Variants in TMEM266 observed in about 807,000 individuals in gnomAD.
The protein encoded by TMEM266 is transmembrane protein 266.
A neutral mutation model predicts 50.5 loss-of-function variants in TMEM266; 33 were observed. The ratio of observed to expected loss-of-function variants is 0.65; its 90% CI spans 0.50 to 0.87. The LOEUF (loss-of-function observed/expected upper bound fraction) is 0.87, where lower values mean the gene tolerates loss of function less well. TMEM266 is among the 40% of genes least tolerant of loss of function. The pLI is 0.00. For synonymous variants in TMEM266, 310 were observed against 292.3 expected (o/e 1.06, Z -0.62); for missense variants, 655 against 695.1 (o/e 0.94, Z 0.65).
intron 1 of TMEM266, among the ~76,000 whole-genome samples, chr15:76,132,663 C>T (rs1017034840): frequency 6.6e-6 from 1 of 150,888 alleles, no homozygotes; most frequent in Non-Finnish European, 1.5e-5. Context: ...CAGGTGGTGG[C>T]GCATGCCTGT....
chr15:76,185,933 G>A (rs1400170367), intron 8 of TMEM266, among the ~76,000 whole-genome samples: 1 of 152,176 alleles, frequency 6.6e-6, no homozygotes, highest in African/African-American at 2.4e-5. Context: ...ACCAAGGCCC[G>A]GGGAAGAAAA....
chr15:76,114,353 C>T (rs1202672598), intron 1 of TMEM266: 1 of 152,178 alleles, frequency 6.6e-6, no homozygotes, highest in Non-Finnish European at 1.5e-5. Context: ...AACCCCATCT[C>T]TACAAAAAGT....
chr15:76,114,563 C>T (rs1049055163), intron 1 of TMEM266, among the ~76,000 whole-genome samples: 5 of 152,146 alleles, frequency 3.3e-5, no homozygotes, highest in African/African-American at 1.2e-4. Flanking sequence ...ATACATCACA[C>T]TATATTGTTT....
chr15:76,164,576 TCTTA>T (rs2038064857), intron 5 of TMEM266, among the ~76,000 whole-genome samples: 1 of 152,216 alleles, frequency 6.6e-6, no homozygotes, highest in African/African-American at 2.4e-5. Flanking sequence ...TCTTCACATT[TCTTA>T]CTTTGGCCTT....
At chr15:76,141,298 C>T (rs1246491030) in intron 3 of TMEM266, among the ~76,000 whole-genome samples, 3 of 150,416 alleles carry the variant, frequency 2.0e-5, no homozygotes, top group South Asian at 4.2e-4. Flanking sequence ...TGTAGTGGCA[C>T]GATTTTGGCT....
chr15:76,158,796 C>T (rs1816504686), intron 4 of TMEM266, among the ~76,000 whole-genome samples: 1 of 152,238 alleles, frequency 6.6e-6, no homozygotes, highest in Non-Finnish European at 1.5e-5. Context: ...TGTGGCCTGA[C>T]TCGGAGCTCA....
chr15:76,120,486 T>C (rs1017740465), intron 1 of TMEM266, among the ~76,000 whole-genome samples: 4 of 151,824 alleles, frequency 2.6e-5, no homozygotes, highest in African/African-American at 7.3e-5. Flanking sequence ...ATAGGCCGGG[T>C]GCGGTGGCTC....
At chr15:76,162,387 G>A (rs1001110029) in intron 5 of TMEM266, among the ~76,000 whole-genome samples, 5 of 152,296 alleles carry the variant, frequency 3.3e-5, no homozygotes, top group African/African-American at 7.2e-5. Flanking sequence ...CTGCGTGCCC[G>A]TAAGAACCAT....
intron 10 of TMEM266, among the ~76,000 whole-genome samples, chr15:76,203,107 GCTCTGAGCATC>G (rs929611300): frequency 5.3e-5 from 8 of 151,952 alleles, no homozygotes; most frequent in Non-Finnish European, 1.0e-4. Context: ...AGAGCAAAGA[GCTCTGAGCATC>G]CTCTGATCCT....
rs566605741 is a variant in TMEM266, at chr15:76,085,117, A to G, written c.-97+25101A>G. 8.0e-5 allele frequency among the ~76,000 whole-genome samples: 12 copies of G among 149,862 alleles called. 1 individual carries two copies. The highest frequency in any genetic ancestry group is 2.9e-4 in the African/African-American group (12 of 40,686). On this transcript the variant is annotated intron_variant, in intron 1 of 10. Transcript: ENST00000388942. ...TGGGACTACAGGCGCCTGCCACCAC[A>G]CCCTGCTAATTTTTTGTATTTTTAG...
At chr15:76,196,415 C>G (rs189166714) in intron 9 of TMEM266, among the ~76,000 whole-genome samples, 1 of 152,224 alleles carries the variant, frequency 6.6e-6, no homozygotes, top group East Asian at 1.9e-4. Flanking sequence ...TGATTCACAG[C>G]CTCGCATGGT....
At chr15:76,187,921 C>T (rs1236535478) in intron 8 of TMEM266, among the ~76,000 whole-genome samples, 1 of 152,184 alleles carries the variant, frequency 6.6e-6, no homozygotes, top group East Asian at 1.9e-4. Flanking sequence ...GGCAACACAA[C>T]AGATAAGACC....
At chr15:76,129,788 GA>G (rs2037478141) in intron 1 of TMEM266, among the ~76,000 whole-genome samples, 1 of 152,080 alleles carries the variant, frequency 6.6e-6, no homozygotes, top group African/African-American at 2.4e-5. Flanking sequence ...AGAGGAAGGG[GA>G]AACCTGTAGA....
intron 9 of TMEM266, among the ~76,000 whole-genome samples, chr15:76,201,573 T>C (rs1030727355): frequency 6.6e-6 from 1 of 152,160 alleles, no homozygotes; most frequent in African/African-American, 2.4e-5. Context: ...CCCACCCCCC[T>C]TGACATGAGC....
At chr15:76,127,971 T>G (rs1399772308) in intron 1 of TMEM266, among the ~76,000 whole-genome samples, 1 of 152,134 alleles carries the variant, frequency 6.6e-6, no homozygotes, top group Non-Finnish European at 1.5e-5. Context: ...TAATAAGCCC[T>G]TTAGGTGATT....
At chr15:76,080,097 T>C (rs2036664632) in intron 1 of TMEM266, among the ~76,000 whole-genome samples, 1 of 151,166 alleles carries the variant, frequency 6.6e-6, no homozygotes, top group Non-Finnish European at 1.5e-5. Flanking sequence ...CCAGGCGTGG[T>C]TGCTCACGCT....
chr15:76,152,724 A>G (rs2037863667), intron 3 of TMEM266, among the ~76,000 whole-genome samples: 1 of 152,022 alleles, frequency 6.6e-6, no homozygotes, highest in Non-Finnish European at 1.5e-5. Flanking sequence ...TCTGACCACC[A>G]TATTTAAAAT....
intron 5 of TMEM266, among the ~76,000 whole-genome samples, chr15:76,165,364 C>T (rs2038078862): frequency 6.6e-6 from 1 of 152,248 alleles, no homozygotes; most frequent in South Asian, 2.1e-4. Flanking sequence ...GTTTCTGCAT[C>T]TCTCAAATGG....
intron 1 of TMEM266, among the ~76,000 whole-genome samples, chr15:76,115,460 G>C (rs957922699): frequency 1.2e-4 from 18 of 152,142 alleles, no homozygotes; most frequent in African/African-American, 4.1e-4. Flanking sequence ...TTCTGCTCTG[G>C]CCCTACGCTC....
Sources: gnomAD v4.1 joint callset for allele counts (sites outside exome capture counted in the v4.1 genomes callset) on GRCh38, gnomAD v4.1.1 for gene constraint, MANE v1.5 for transcripts, NCBI Gene and HGNC (gene_info 2026-07-23, HGNC 2026-07-21) for gene names.